The following PAQR8 variants were observed in gnomAD, a reference collection of about 807,000 sequenced individuals.
The protein encoded by PAQR8 is membrane progestin receptor beta.
A neutral mutation model predicts 25.2 loss-of-function variants in PAQR8; 17 were observed. That is an observed-to-expected ratio of 0.67 (90% CI 0.46 to 1.01). The LOEUF (loss-of-function observed/expected upper bound fraction) is 1.01, where lower values mean the gene tolerates loss of function less well. Ranked by LOEUF, PAQR8 falls within the 50% of genes least tolerant of loss-of-function variation. The probability of loss-of-function intolerance (pLI) is 0.00; values close to 1 mark genes in which losing one functional copy is unlikely to be tolerated. For missense variants in PAQR8, 392 were observed against 448.4 expected (o/e 0.87, Z 1.14); for synonymous variants, 204 against 190.6 (o/e 1.07, Z -0.58).
intron 1 of PAQR8, among the ~76,000 whole-genome samples, chr6:52,366,005 C>G (rs758310313): frequency 6.6e-6 from 1 of 152,080 alleles, no homozygotes; most frequent in Non-Finnish European, 1.5e-5. Context: ...TCTCTTGGCA[C>G]GTATTGAAAG....
chr6:52,368,890 G>C (rs1457938147), intron 1 of PAQR8, among the ~76,000 whole-genome samples: 1 of 152,062 alleles, frequency 6.6e-6, no homozygotes, highest in Non-Finnish European at 1.5e-5. Flanking sequence ...AATCATGGGG[G>C]CAGTTTTCCC....
At chr6:52,375,956 T>C (rs1338129420) in intron 1 of PAQR8, among the ~76,000 whole-genome samples, 1 of 152,216 alleles carries the variant, frequency 6.6e-6, no homozygotes, top group African/African-American at 2.4e-5. Flanking sequence ...AAAATGCTAA[T>C]GCAGTGCTGA....
At chr6:52,381,849 C>A (rs980552415) in intron 1 of PAQR8, among the ~76,000 whole-genome samples, 1 of 151,952 alleles carries the variant, frequency 6.6e-6, no homozygotes, top group African/African-American at 2.4e-5. Context: ...CAGGGTATAC[C>A]CTAAACATTT....
intron 1 of PAQR8, among the ~76,000 whole-genome samples, chr6:52,366,434 A>G (rs1052852966): frequency 3.3e-5 from 5 of 152,218 alleles, no homozygotes; most frequent in African/African-American, 1.2e-4. Context: ...CTAAGAATTC[A>G]TATGGATTTT....
In PAQR8 at chr6:52,403,382, C is replaced by T. The variant is rs1178786272; in HGVS notation, c.169C>T (p.Pro57Ser). 6.2e-7 allele frequency: 1 copy of T among 1,614,260 alleles called. No homozygotes were observed. The highest frequency in any genetic ancestry group is 8.5e-7 in the Non-Finnish European group (1 of 1,180,052). Residue 57 changes from proline (P) to serine (S), a missense_variant, in exon 2 of 2, where the codon CCC (proline) becomes TCC (serine). Transcript: ENST00000442253. ...GCCTTACATCCGCACCGGCTACCGC[C>T]CCACGGGGCACGAGTGGCGCTACTA... ...REPYIRTGYR[P>S]TGHEWRYYFF...
chr6:52,403,519 G>A lies in PAQR8; in HGVS notation c.306G>A (p.Leu102=). 1 of 1,614,022 alleles carries A rather than the reference G, an allele frequency of 6.2e-7. No individual in the cohort carries two copies. Among genetic ancestry groups the A allele is most frequent in the Non-Finnish European group, 8.5e-7 (1 of 1,180,040 alleles). The part of the protein sequence containing the change: ...RFWAFAEAEA[L]PWASTHSLPL... ...GGGCCTTTGCCGAGGCTGAGGCCTT[G>A]CCATGGGCGTCTACCCACTCCCTGC... is the stretch of plus-strand genomic sequence containing the variant. Residue 102 remains leucine, a synonymous_variant, in exon 2 of 2, where the codon TTG becomes TTA. Transcript: ENST00000442253.
At position 52,403,681 on chromosome 6, in the gene PAQR8, T is replaced by C. The variant is rs572492666; in HGVS notation, c.468T>C (p.Tyr156=). 1.2e-5 allele frequency: 19 copies of C among 1,614,236 alleles called. No homozygotes were observed. The Admixed American group carries it at 1.3e-4, about 11-fold the overall frequency. ...VDYVGVSVYQ[Y]GSALAHFFYS... Reference sequence around the variant, plus strand: ...ATGTTGGCGTGAGCGTTTACCAATATGGCAGTGCTTTGGCTCATTTCTTCT... The same window carrying C: ...ATGTTGGCGTGAGCGTTTACCAATACGGCAGTGCTTTGGCTCATTTCTTCT... The change falls in exon 2 of 2, where the codon TAT becomes TAC. Residue 156 remains tyrosine (Y), a synonymous_variant. Coordinates refer to ENST00000442253, the MANE Select transcript of PAQR8 (RefSeq NM_133367.5).
chr6:52,381,649 C>G (rs1391774262), intron 1 of PAQR8, among the ~76,000 whole-genome samples: 1 of 152,176 alleles, frequency 6.6e-6, no homozygotes, highest in Non-Finnish European at 1.5e-5. Flanking sequence ...GCCCCCTACT[C>G]CAATTTTTGT....
In PAQR8 at chr6:52,404,101, G is replaced by C. The variant is rs777218752; in HGVS notation, c.888G>C (p.Gln296His). 3 of 1,614,240 alleles carry C rather than the reference G, an allele frequency of 1.9e-6. No homozygotes were observed. Among genetic ancestry groups the C allele is most frequent in the Non-Finnish European group, 1.7e-6 (2 of 1,180,040 alleles). Reference protein sequence around the residue: ...HAFLSICTLSQLEAILLDYQG... With the variant: ...HAFLSICTLSHLEAILLDYQG... Reference sequence around the variant, plus strand: ...TTCTGTCCATCTGTACGCTCTCCCAGCTGGAGGCCATCCTCCTGGACTACC... The same window carrying C: ...TTCTGTCCATCTGTACGCTCTCCCACCTGGAGGCCATCCTCCTGGACTACC... Residue 296 changes from glutamine to histidine, a missense_variant, in exon 2 of 2, where the codon CAG becomes CAC. Physicochemically the swap from Gln to His is conservative, Grantham distance 24. Coordinates refer to ENST00000442253, the MANE Select transcript of PAQR8 (RefSeq NM_133367.5).
intron 1 of PAQR8, among the ~76,000 whole-genome samples, chr6:52,367,218 C>G (rs1209732814): frequency 3.3e-5 from 5 of 152,274 alleles, no homozygotes; most frequent in Admixed American, 1.3e-4. Context: ...CTAAAATGCA[C>G]AGGACAGCCC....
rs1763910397 is a variant in PAQR8 at position 52,406,410 on chromosome 6, G to C, written c.*2132G>C. On this transcript the variant is annotated 3_prime_UTR_variant, in exon 2 of 2. Coordinates refer to ENST00000442253, the MANE Select transcript of PAQR8 (RefSeq NM_133367.5). ...GTATTTTTTAAAAGAGAGAACCGGA[G>C]GTAGAGCAATGATCAGATGGGTGCA... The C allele has an allele frequency of 2.4e-6, 1 of 413,208 alleles. No individual in the cohort carries two copies. The highest frequency in any genetic ancestry group is 2.1e-5 in the African/African-American group (1 of 48,732). 25.6% of individuals were successfully genotyped at this position (413,208 alleles called of 1,614,324 possible).
In PAQR8 at chr6:52,362,510, C is replaced by G. The variant is rs1469433652; in HGVS notation, c.-53+261C>G. 1 of 152,716 alleles carries G rather than the reference C, an allele frequency of 6.5e-6. No individual in the cohort carries two copies. Among genetic ancestry groups the G allele is most frequent in the African/African-American group, 2.4e-5 (1 of 41,426 alleles). The allele number at this position is 152,716 out of a possible 1,614,324, so 9.5% of individuals were successfully genotyped here. ...ACGACGGGTTAGGATGCTGGGGAGC[C>G]CTGGAGCTCTGAACGGCTGTAGTGG... is the stretch of plus-strand genomic sequence containing the variant. On this transcript the variant is annotated intron_variant, in intron 1 of 1. Coordinates refer to ENST00000442253, the MANE Select transcript of PAQR8 (RefSeq NM_133367.5). This position sits in a 1 kb window ranked among gnomAD's most constrained non-coding sequence, Gnocchi z 4.1.
chr6:52,394,101 G>A (rs984863005), intron 1 of PAQR8, among the ~76,000 whole-genome samples: 1 of 152,126 alleles, frequency 6.6e-6, no homozygotes, highest in Admixed American at 6.5e-5. Flanking sequence ...GAGATAATAA[G>A]GACTCAAATT....
intron 1 of PAQR8, among the ~76,000 whole-genome samples, chr6:52,366,029 A>T (rs1332783914): frequency 6.6e-6 from 1 of 152,190 alleles, no homozygotes; most frequent in Non-Finnish European, 1.5e-5. Context: ...CGATTCTGGT[A>T]AACATTCCCT....
Position 52,362,886 on chromosome 6 carries a change from G to C in PAQR8, c.-53+637G>C, listed in dbSNP as rs149651380. Among the ~76,000 whole-genome samples, 8 of 152,290 alleles carry C rather than the reference G, an allele frequency of 5.3e-5. No homozygotes were observed. Among genetic ancestry groups the C allele is most frequent in the South Asian group, 2.1e-4 (1 of 4,818 alleles). ...AAAGATGGAGGGGGCTTCTCTGAGA[G>C]GGTGGGCGCGAGGAGCGGAGTTGTG... On this transcript the variant is annotated intron_variant, in intron 1 of 1. Coordinates refer to ENST00000442253, the MANE Select transcript of PAQR8 (RefSeq NM_133367.5). This position sits in a 1 kb window ranked among gnomAD's most constrained non-coding sequence, Gnocchi z 4.1.
chr6:52,368,519 T>A (rs577259525), intron 1 of PAQR8, among the ~76,000 whole-genome samples: 6 of 152,346 alleles, frequency 3.9e-5, no homozygotes, highest in African/African-American at 1.4e-4. Flanking sequence ...TAAAAATATC[T>A]AAGTAACGTA....
In PAQR8 at chr6:52,405,864, A is replaced by G. The variant is rs755487323; in HGVS notation, c.*1586A>G. On this transcript the variant is annotated 3_prime_UTR_variant, in exon 2 of 2. Transcript: ENST00000442253. The stretch of plus-strand genomic sequence containing the variant: ...CTGGGTTATTGGGATAAGAAAAAAT[A>G]TATATTGCTCTTCAACTAGTGAATG... The G allele has an allele frequency of 1.2e-5, 2 of 167,014 alleles. No homozygotes were observed. The highest frequency in any genetic ancestry group is 2.9e-5 in the Non-Finnish European group (2 of 68,124). 10.3% of individuals were successfully genotyped at this position (167,014 alleles called of 1,614,324 possible).
In PAQR8 at chr6:52,404,103, T is replaced by G; in HGVS notation, c.890T>G (p.Leu297Arg). The change falls in exon 2 of 2, where the codon CTG becomes CGG. Residue 297 changes from leucine to arginine, a missense_variant. By Grantham distance (102) the Leu-to-Arg change is moderately radical. Transcript: ENST00000442253. ...CTGTCCATCTGTACGCTCTCCCAGCTGGAGGCCATCCTCCTGGACTACCAG... is the reference window on the plus strand; with the variant it reads ...CTGTCCATCTGTACGCTCTCCCAGCGGGAGGCCATCCTCCTGGACTACCAG... Reference protein sequence around the residue: ...AFLSICTLSQLEAILLDYQGR... With the variant: ...AFLSICTLSQREAILLDYQGR... The G allele has an allele frequency of 6.2e-7, 1 of 1,614,256 alleles. No individual in the cohort carries two copies. The highest frequency in any genetic ancestry group is 8.5e-7 in the Non-Finnish European group (1 of 1,180,032).
chr6:52,379,191 A>T, intron 1 of PAQR8, among the ~76,000 whole-genome samples: 1 of 152,164 alleles, frequency 6.6e-6, no homozygotes, highest in Non-Finnish European at 1.5e-5. Flanking sequence ...GCCAGTCACA[A>T]AAGGAAAGCA....
Sources: gnomAD v4.1 joint callset for allele counts (sites outside exome capture counted in the v4.1 genomes callset) on GRCh38, gnomAD v4.1.1 for gene constraint, Gnocchi (gnomAD v3.1) non-coding constraint, MANE v1.5 for transcripts, NCBI Gene and HGNC (gene_info 2026-07-23, HGNC 2026-07-21) for gene names.